Variants in SFMBT2 observed in about 807,000 individuals in gnomAD.
SFMBT2 encodes scm-like with four MBT domains protein 2.
A neutral mutation model predicts 110.1 loss-of-function variants in SFMBT2; 38 were observed. The observed-to-expected ratio is 0.35, with a 90% CI of 0.27 to 0.45. The LOEUF (loss-of-function observed/expected upper bound fraction) is 0.45, where lower values mean the gene tolerates loss of function less well. Ranked by LOEUF, SFMBT2 falls within the 20% of genes least tolerant of loss-of-function variation. The pLI is 1.00. For missense variants in SFMBT2, 1,011 were observed against 1,094.9 expected, an observed-to-expected ratio of 0.92 and a Z score of 1.08; for synonymous variants, 425 against 425.4, an observed-to-expected ratio of 1.00 and a Z score of 0.01.
In SFMBT2 at chr10:7,159,447, A is replaced by G. The variant is rs889383194; in HGVS notation, c.*4323T>C. Reference sequence around the variant, plus strand: ...GAGTTCAACCATGTGAAAGGGAGTAATTTCCAGAAAATTCTTGAACAGAAA... The same window carrying G: ...GAGTTCAACCATGTGAAAGGGAGTAGTTTCCAGAAAATTCTTGAACAGAAA... On this transcript the variant is annotated 3_prime_UTR_variant, in exon 21 of 21. Transcript: ENST00000397167. 1.3e-5 allele frequency: 2 copies of G among 152,204 alleles called. No homozygotes were observed. Among genetic ancestry groups the G allele is most frequent in the African/African-American group, 4.8e-5 (2 of 41,452 alleles). 9.4% of individuals were successfully genotyped at this position (152,204 alleles called of 1,614,324 possible).
Position 7,248,536 on chromosome 10 carries a change from A to T in SFMBT2, c.972+12T>A. 1 of 1,611,740 alleles carries T rather than the reference A, an allele frequency of 6.2e-7. No individual in the cohort carries two copies. Among genetic ancestry groups the T allele is most frequent in the Non-Finnish European group, 8.5e-7 (1 of 1,177,838 alleles). On this transcript the variant is annotated intron_variant, in intron 8 of 20. Coordinates refer to ENST00000397167, the MANE Select transcript of SFMBT2 (RefSeq NM_001387889.1). ...TAGGGGCTGGGTCGAAGAGCGAGGG[A>T]GGAAAACCCACCTTAGTCACCGACG...
rs994902792 is a variant in SFMBT2, at chr10:7,186,435, C to T, written c.1808+2189G>A. On this transcript the variant is annotated intron_variant, in intron 16 of 20. Coordinates refer to ENST00000397167, the MANE Select transcript of SFMBT2 (RefSeq NM_001387889.1). ...CATACATACTATATATACACACACA[C>T]ACACACACACACACACACACACACA... Among the ~76,000 whole-genome samples, 39 of 137,458 alleles carry T rather than the reference C, an allele frequency of 2.8e-4. 1 individual carries two copies. Among genetic ancestry groups the T allele is most frequent in the Admixed American group, 1.5e-3 (21 of 13,874 alleles). The allele number at this position is 137,458 out of a possible 152,430, so 90.2% of individuals were successfully genotyped here.
intron 4 of SFMBT2, among the ~76,000 whole-genome samples, chr10:7,365,264 GAGA>G (rs1156824923): frequency 6.6e-6 from 1 of 152,242 alleles, no homozygotes; most frequent in East Asian, 1.9e-4. Flanking sequence ...CATGTCCAGA[GAGA>G]AGGTGCACAC....
rs771222051 is a variant in SFMBT2 at position 7,348,326 on chromosome 10, A to T, written c.436+19323T>A. 5 of 1,525,384 alleles carry T rather than the reference A, an allele frequency of 3.3e-6. No homozygotes were observed. In the South Asian group the frequency reaches 6.2e-5, roughly 19 times the overall value. The allele number at this position is 1,525,384 out of a possible 1,614,324, so 94.5% of individuals were successfully genotyped here. A position where few individuals can be genotyped will look rare whatever the true frequency, so the allele number is the denominator to read the frequency against. ...GAACAGAAGCTGATGGCTTGACATCACTCTCTACTACAAAAAAATAATCAC... is the reference window on the plus strand; with the variant it reads ...GAACAGAAGCTGATGGCTTGACATCTCTCTCTACTACAAAAAAATAATCAC... On this transcript the variant is annotated intron_variant, in intron 4 of 20. Coordinates refer to ENST00000397167, the MANE Select transcript of SFMBT2 (RefSeq NM_001387889.1).
chr10:7,166,875 AT>A (rs1463617124), intron 20 of SFMBT2, among the ~76,000 whole-genome samples: 1 of 152,158 alleles, frequency 6.6e-6, no homozygotes, highest in Non-Finnish European at 1.5e-5. Flanking sequence ...CTGGAAGACT[AT>A]TTTTTCTTTC....
intron 16 of SFMBT2, among the ~76,000 whole-genome samples, chr10:7,182,140 C>T (rs186963931): frequency 3.4e-4 from 52 of 152,138 alleles, no homozygotes; most frequent in Non-Finnish European, 6.5e-4. Flanking sequence ...CAGGTTCAAG[C>T]GATTCTCCTG....
At chr10:7,203,539 C>T (rs1214162425) in intron 12 of SFMBT2, 1 of 291,578 alleles carries the variant, frequency 3.4e-6, no homozygotes, top group East Asian at 1.7e-4. Context: ...TCCAGAAAAA[C>T]CCAAAGCACT....
intron 2 of SFMBT2, among the ~76,000 whole-genome samples, chr10:7,378,991 G>C (rs1845349965): frequency 6.6e-6 from 1 of 152,120 alleles, no homozygotes; most frequent in Non-Finnish European, 1.5e-5. Flanking sequence ...ACTTCACCTT[G>C]TCGTCCAGTC....
At chr10:7,381,762 T>C (rs1304173685) in intron 2 of SFMBT2, 37 bp downstream of exon 2, 3 of 1,601,832 alleles carry the variant, frequency 1.9e-6, no homozygotes, top group African/African-American at 1.3e-5. Context: ...GATCAATTCA[T>C]CAAAAATCCA....
chr10:7,164,511 T>C (rs760458598), intron 20 of SFMBT2: 52 of 914,578 alleles, frequency 5.7e-5, no homozygotes, highest in East Asian at 1.2e-4. Flanking sequence ...GCTGCGGGAA[T>C]TGCTTCCCAA....
chr10:7,365,943 A>G (rs1844882903), intron 4 of SFMBT2, among the ~76,000 whole-genome samples: 1 of 152,222 alleles, frequency 6.6e-6, no homozygotes, highest in South Asian at 2.1e-4. Context: ...GTACACTTTA[A>G]AGTGGTGAGT....
chr10:7,188,758 C>T, intron 15 of SFMBT2, 25 bp from the exon 16 acceptor site: 2 of 1,587,014 alleles, frequency 1.3e-6, no homozygotes, highest in South Asian at 2.2e-5. Context: ...AATAAGCAGA[C>T]TGAGCTGCAA....
chr10:7,202,806 C>T, intron 12 of SFMBT2: 1 of 985,312 alleles, frequency 1.0e-6, no homozygotes, highest in South Asian at 4.7e-5. Context: ...AAGAGTACAC[C>T]TGTTGTACCT....
intron 1 of SFMBT2, among the ~76,000 whole-genome samples, chr10:7,388,770 G>C (rs1845690059): frequency 6.6e-6 from 1 of 152,088 alleles, no homozygotes; most frequent in Non-Finnish European, 1.5e-5. Context: ...GGCAGGCTGA[G>C]CCCAGGTGAG....
chr10:7,387,039 A>G (rs1845628002), intron 1 of SFMBT2, among the ~76,000 whole-genome samples: 1 of 152,134 alleles, frequency 6.6e-6, no homozygotes, highest in African/African-American at 2.4e-5. Flanking sequence ...TAATGCAGCT[A>G]TGACTTTTAT....
intron 4 of SFMBT2, among the ~76,000 whole-genome samples, chr10:7,312,284 C>T (rs937133607): frequency 4.6e-5 from 7 of 152,026 alleles, no homozygotes; most frequent in Admixed American, 2.0e-4. Flanking sequence ...GGAGTAGTAA[C>T]GGCATCAACA....
At position 7,333,190 on chromosome 10, in the gene SFMBT2, C is replaced by T. The variant is rs1588456749; in HGVS notation, c.436+34459G>A. Among the ~76,000 whole-genome samples, 7 of 152,276 alleles carry T rather than the reference C, an allele frequency of 4.6e-5. 1 individual carries two copies. Among genetic ancestry groups the T allele is most frequent in the Admixed American group, 4.6e-4 (7 of 15,294 alleles). Reference sequence around the variant, plus strand: ...CCAGAAACAAGTTTTTCTGATCATACTTTAGCTTCATGAGAGCTTTATCAA... The same window carrying T: ...CCAGAAACAAGTTTTTCTGATCATATTTTAGCTTCATGAGAGCTTTATCAA... On this transcript the variant is annotated intron_variant, in intron 4 of 20. Transcript: ENST00000397167.
chr10:7,393,098 T>C (rs1845827802), intron 1 of SFMBT2, among the ~76,000 whole-genome samples: 1 of 147,996 alleles, frequency 6.8e-6, no homozygotes, highest in Non-Finnish European at 1.5e-5. Context: ...AGTGGTGTGA[T>C]CTCAGCTCAC....
chr10:7,215,701 C>G, intron 11 of SFMBT2: 2 of 985,424 alleles, frequency 2.0e-6, no homozygotes, highest in Non-Finnish European at 2.4e-6. Context: ...CAGAGGGCGG[C>G]TGGCCGATGA....
Sources: gnomAD v4.1 joint callset for allele counts (sites outside exome capture counted in the v4.1 genomes callset) on GRCh38, gnomAD v4.1.1 for gene constraint, MANE v1.5 for transcripts, NCBI Gene and HGNC (gene_info 2026-07-23, HGNC 2026-07-21) for gene names.